The following VPS26A variants were observed in gnomAD, a reference collection of about 807,000 sequenced individuals.
VPS26A encodes the protein vacuolar protein sorting-associated protein 26A.
Under a neutral mutation model 42.4 loss-of-function variants are expected in VPS26A, and 22 were observed. The ratio of observed to expected loss-of-function variants is 0.52; its 90% confidence interval spans 0.37 to 0.74. VPS26A has a LOEUF of 0.74. Ranked by LOEUF, VPS26A falls within the 30% of genes least tolerant of loss-of-function variation. The pLI is 0.00. For missense variants in VPS26A, 276 were observed against 379.2 expected (o/e 0.73, Z 2.26); for synonymous variants, 110 against 123.5 (o/e 0.89, Z 0.73).
chr10:69,168,119 T>C (rs2132240979), intron 7 of VPS26A, among the ~76,000 whole-genome samples: 1 of 152,324 alleles, frequency 6.6e-6, no homozygotes. Context: ...CAGTAAGTGG[T>C]TGAGATCTGA....
chr10:69,168,951 G>A (rs1841754169), intron 8 of VPS26A, among the ~76,000 whole-genome samples: 1 of 151,020 alleles, frequency 6.6e-6, no homozygotes, highest in Non-Finnish European at 1.5e-5. Context: ...AACAAAGAAT[G>A]AAGTAAAGGT....
At chr10:69,132,374 A>C (rs1235613559) in intron 1 of VPS26A, among the ~76,000 whole-genome samples, 1 of 151,146 alleles carries the variant, frequency 6.6e-6, no homozygotes, top group Non-Finnish European at 1.5e-5. Flanking sequence ...GGTTAAAAAC[A>C]CATAACATGA....
chr10:69,150,252 C>T (rs746584177), intron 2 of VPS26A, among the ~76,000 whole-genome samples: 3 of 151,262 alleles, frequency 2.0e-5, no homozygotes, highest in Non-Finnish European at 2.9e-5. Context: ...AACGGGGTTT[C>T]ACCATGTTGG....
rs1330552711 is a variant in VPS26A at position 69,155,803 on chromosome 10, T to A, written c.154-9T>A. 6.2e-7 allele frequency: 1 copy of A among 1,609,586 alleles called. No individual in the cohort carries two copies. Among genetic ancestry groups the A allele is most frequent in the Non-Finnish European group, 8.5e-7 (1 of 1,177,274 alleles). On this transcript the variant is annotated splice_polypyrimidine_tract_variant and intron_variant, in intron 2 of 8. Coordinates refer to ENST00000263559, the MANE Select transcript of VPS26A (RefSeq NM_004896.5). ...TGTTAACATCTCTTATAATTTCATG[T>A]TTTGGCAGGTAAACCTAGCCTTTAA... is the stretch of plus-strand genomic sequence containing the variant.
chr10:69,149,240 CA>C (rs913935634), intron 2 of VPS26A, among the ~76,000 whole-genome samples: 1 of 152,162 alleles, frequency 6.6e-6, no homozygotes, highest in African/African-American at 2.4e-5. Flanking sequence ...GACAAACTGG[CA>C]TTGTATGCTT....
intron 5 of VPS26A, among the ~76,000 whole-genome samples, chr10:69,160,620 T>G (rs940981575): frequency 2.0e-5 from 3 of 151,706 alleles, no homozygotes; most frequent in Admixed American, 6.6e-5. Context: ...CCCGGCTAAT[T>G]TTTGTAGTTT....
In VPS26A at chr10:69,147,095, T is replaced by A. The variant is rs935005716; in HGVS notation, c.154-8717T>A. ...TCTTGGCAACACTTACTAATATGTC[T>A]ATTTTTTATTATAGGTATTTTAGTG... On this transcript the variant is annotated intron_variant, in intron 2 of 8. Coordinates refer to ENST00000263559, the MANE Select transcript of VPS26A (RefSeq NM_004896.5). Among the ~76,000 whole-genome samples, 3 of 152,338 alleles carry A rather than the reference T, an allele frequency of 2.0e-5. No homozygotes were observed. The South Asian group carries it at 6.2e-4, about 32-fold the overall frequency.
chr10:69,156,965 G>A (rs1312075240), intron 3 of VPS26A, 42 bp from the exon 4 acceptor site: 2 of 1,519,562 alleles, frequency 1.3e-6, no homozygotes, highest in Admixed American at 2.2e-5. Context: ...TATTGAAATG[G>A]CTATTAAATA....
intron 6 of VPS26A, among the ~76,000 whole-genome samples, chr10:69,163,989 G>C (rs1271164801): frequency 6.6e-6 from 1 of 151,280 alleles, no homozygotes; most frequent in Non-Finnish European, 1.5e-5. Context: ...GGATGGTCTC[G>C]ATCTCCTGAC....
At chr10:69,134,032 T>A (rs989972822) in intron 2 of VPS26A, among the ~76,000 whole-genome samples, 3 of 152,106 alleles carry the variant, frequency 2.0e-5, no homozygotes, top group African/African-American at 7.2e-5. Flanking sequence ...TTATTAGTGG[T>A]CAGTGATAGT....
chr10:69,147,580 T>C (rs1038525277), intron 2 of VPS26A, among the ~76,000 whole-genome samples: 12 of 152,224 alleles, frequency 7.9e-5, no homozygotes, highest in Admixed American at 4.6e-4. Flanking sequence ...GAGTTAATAT[T>C]TGTGATGGCG....
rs1802295 is a variant in VPS26A, at chr10:69,171,718, C to T, written c.*449C>T. On this transcript the variant is annotated 3_prime_UTR_variant, in exon 9 of 9. Transcript: ENST00000263559. Reference sequence around the variant, plus strand: ...TTGTGTTCAAATAAAATTAGAAAACCTGAGTGGCCTCTTGTGTCCTGCAGA... The same window carrying T: ...TTGTGTTCAAATAAAATTAGAAAACTTGAGTGGCCTCTTGTGTCCTGCAGA... 0.22 allele frequency: 34,028 copies of T among 154,168 alleles called. 4,689 individuals carry two copies. The highest frequency in any genetic ancestry group is 0.31 in the Non-Finnish European group (21,223 of 69,256). The allele number at this position is 154,168 out of a possible 1,614,324, so 9.6% of individuals were successfully genotyped here. A position where few individuals can be genotyped will look rare whatever the true frequency, so the allele number is the denominator to read the frequency against.
At chr10:69,129,611 G>A (rs956215565) in intron 1 of VPS26A, among the ~76,000 whole-genome samples, 3 of 151,510 alleles carry the variant, frequency 2.0e-5, no homozygotes, top group Non-Finnish European at 4.4e-5. Flanking sequence ...GCAGTGGCGC[G>A]ATCTCGGCTC....
chr10:69,161,490 GGTT>G (rs200782844), intron 5 of VPS26A: 2,622 of 167,350 alleles, frequency 0.016, 63 homozygotes, highest in African/African-American at 0.058. Context: ...TAATCAAAAT[GGTT>G]GTTGTTGGTT....
At chr10:69,134,708 C>T (rs1356063235) in intron 2 of VPS26A, among the ~76,000 whole-genome samples, 1 of 151,428 alleles carries the variant, frequency 6.6e-6, no homozygotes, top group Non-Finnish European at 1.5e-5. Context: ...GGTCCTTTGC[C>T]AGATTACCTA....
intron 1 of VPS26A, among the ~76,000 whole-genome samples, chr10:69,126,245 T>A (rs992139949): frequency 7.6e-5 from 1 of 13,220 alleles, no homozygotes; most frequent in African/African-American, 1.1e-4. Context: ...CGGATCACCT[T>A]GAAGTCGGGA....
At chr10:69,153,400 G>A (rs1180656347) in intron 2 of VPS26A, among the ~76,000 whole-genome samples, 1 of 151,974 alleles carries the variant, frequency 6.6e-6, no homozygotes, top group Non-Finnish European at 1.5e-5. Context: ...CTGGAGTGCA[G>A]TGGTGTAATC....
intron 4 of VPS26A, among the ~76,000 whole-genome samples, chr10:69,157,452 G>A (rs932888347): frequency 6.6e-6 from 1 of 152,152 alleles, no homozygotes; most frequent in African/African-American, 2.4e-5. Flanking sequence ...AAATCCACTA[G>A]TTTCCCAGAA....
intron 5 of VPS26A, among the ~76,000 whole-genome samples, chr10:69,161,232 C>G (rs1298758990): frequency 6.6e-6 from 1 of 152,020 alleles, no homozygotes; most frequent in East Asian, 1.9e-4. Context: ...CACCACCCAG[C>G]TAATTTTTAG....
Sources: gnomAD v4.1 joint callset for allele counts (sites outside exome capture counted in the v4.1 genomes callset) on GRCh38, gnomAD v4.1.1 for gene constraint, MANE v1.5 for transcripts, NCBI Gene and HGNC (gene_info 2026-07-23, HGNC 2026-07-21) for gene names.